Variants in AGPAT4 observed in about 807,000 individuals in gnomAD.
AGPAT4 encodes the protein 1-acyl-sn-glycerol-3-phosphate acyltransferase delta.
Under a neutral mutation model 48.0 loss-of-function variants are expected in AGPAT4, and 15 were observed. The ratio of observed to expected loss-of-function variants is 0.31; its 90% CI spans 0.21 to 0.48. AGPAT4 has a LOEUF of 0.48. Ranked by LOEUF, AGPAT4 falls within the 20% of genes least tolerant of loss-of-function variation. AGPAT4 has a pLI of 0.99. For missense variants in AGPAT4, 314 were observed against 482.5 expected (o/e 0.65, Z 3.27); for synonymous variants, 178 against 198.7 (o/e 0.90, Z 0.88).
rs548464035 is a variant in AGPAT4 at position 161,141,778 on chromosome 6, G to A, written c.844-2158C>T. Reference sequence around the variant, plus strand: ...CTTGTTTCCAGAAAGACATTTGCTAGGCCAAGATTGTTTTATTTGCACCTC... The same window carrying A: ...CTTGTTTCCAGAAAGACATTTGCTAAGCCAAGATTGTTTTATTTGCACCTC... On this transcript the variant is annotated intron_variant, in intron 7 of 8. Coordinates refer to ENST00000320285, the MANE Select transcript of AGPAT4 (RefSeq NM_020133.3). This position sits in a 1 kb window ranked among gnomAD's most constrained non-coding sequence, Gnocchi z 6.7. 3.3e-5 allele frequency among the ~76,000 whole-genome samples: 5 copies of A among 152,248 alleles called. No homozygotes were observed. Among genetic ancestry groups the A allele is most frequent in the African/African-American group, 1.2e-4 (5 of 41,540 alleles).
chr6:161,203,413 A>G (rs1781294514), intron 2 of AGPAT4, among the ~76,000 whole-genome samples: 1 of 114,962 alleles, frequency 8.7e-6, no homozygotes, highest in Non-Finnish European at 1.7e-5. Context: ...TTTGAGACAG[A>G]GTTTCACTCT....
chr6:161,162,910 C>T lies in AGPAT4; in HGVS notation c.348+3338G>A, dbSNP rs376758531. ...GAACCTGACCTGCGCTTGCACACCA[C>T]GGTTTGTTGGGCACCTTAGTGACCT... On this transcript the variant is annotated intron_variant, in intron 3 of 8. Transcript: ENST00000320285. Among the ~76,000 whole-genome samples, 4 of 152,330 alleles carry T rather than the reference C, an allele frequency of 2.6e-5. No individual in the cohort carries two copies. In the East Asian group the frequency reaches 7.7e-4, roughly 29 times the overall value.
chr6:161,172,378 C>T (rs1033655111), intron 2 of AGPAT4, among the ~76,000 whole-genome samples: 6 of 152,176 alleles, frequency 3.9e-5, no homozygotes, highest in African/African-American at 1.4e-4. Context: ...ACAGGGGGCA[C>T]CCCATCCAGG....
chr6:161,228,067 G>A (rs1226870513), intron 2 of AGPAT4, among the ~76,000 whole-genome samples: 2 of 152,024 alleles, frequency 1.3e-5, no homozygotes, highest in Non-Finnish European at 2.9e-5. Flanking sequence ...CGCCACCACC[G>A]GTCCCCCTGA....
In AGPAT4 at chr6:161,135,188, C is replaced by T. The variant is rs1284165448; in HGVS notation, c.*1352G>A. Reference sequence around the variant, plus strand: ...TTTTGTATAGAGCTGTTCATTCCTTCTCATGTTACCACAGCAACACAGGCA... The same window carrying T: ...TTTTGTATAGAGCTGTTCATTCCTTTTCATGTTACCACAGCAACACAGGCA... On this transcript the variant is annotated 3_prime_UTR_variant, in exon 9 of 9. Coordinates refer to ENST00000320285, the MANE Select transcript of AGPAT4 (RefSeq NM_020133.3). 1 of 152,220 alleles carries T rather than the reference C, an allele frequency of 6.6e-6. No homozygotes were observed. Among genetic ancestry groups the T allele is most frequent in the African/African-American group, 2.4e-5 (1 of 41,454 alleles). The allele number at this position is 152,220 out of a possible 1,614,324, so 9.4% of individuals were successfully genotyped here. A position where few individuals can be genotyped will look rare whatever the true frequency, so the allele number is the denominator to read the frequency against.
At position 161,161,380 on chromosome 6, in the gene AGPAT4, G is replaced by T. The variant is rs759872981; in HGVS notation, c.348+4868C>A. The T allele has an allele frequency of 2.2e-6, 1 of 456,642 alleles. No individual in the cohort carries two copies. The highest frequency in any genetic ancestry group is 4.4e-6 in the Non-Finnish European group (1 of 226,972). The allele number at this position is 456,642 out of a possible 1,614,324, so 28.3% of individuals were successfully genotyped here. A position where few individuals can be genotyped will look rare whatever the true frequency, so the allele number is the denominator to read the frequency against. On this transcript the variant is annotated intron_variant, in intron 3 of 8. Transcript: ENST00000320285. This position sits in a 1 kb window ranked among gnomAD's most constrained non-coding sequence, Gnocchi z 4.6. The stretch of plus-strand genomic sequence containing the variant: ...TGCTACCTCGGTCGTCACCATTATC[G>T]GGTTCCTCATCCATGTGATTCCAGA...
rs1002436216 is a variant in AGPAT4, at chr6:161,240,421, C to T, written c.-89-8119G>A. On this transcript the variant is annotated intron_variant, in intron 1 of 8. Transcript: ENST00000320285. The surrounding 1 kb of genome is among the most constrained non-coding windows in gnomAD (Gnocchi z 5.5). ...CCCAAGGCAAGCTTTTTCCTCTATG[C>T]CACTGCACTCTTCCTGAACAGTGAT... 2.0e-5 allele frequency among the ~76,000 whole-genome samples: 3 copies of T among 152,160 alleles called. No homozygotes were observed. Among genetic ancestry groups the T allele is most frequent in the African/African-American group, 7.2e-5 (3 of 41,442 alleles).
In AGPAT4 at chr6:161,130,910, G is replaced by C. The variant is rs773473859; in HGVS notation, c.*5630C>G. On this transcript the variant is annotated 3_prime_UTR_variant, in exon 9 of 9. Transcript: ENST00000320285. The stretch of plus-strand genomic sequence containing the variant: ...GAGAATGGCATTCCAAAATTCCATG[G>C]ATGACTTTTCTGAATGTCCTAGAAT... The C allele has an allele frequency of 3.9e-6, 2 of 518,894 alleles. No homozygotes were observed. Among genetic ancestry groups the C allele is most frequent in the African/African-American group, 3.8e-5 (2 of 51,966 alleles). 32.1% of individuals were successfully genotyped at this position (518,894 alleles called of 1,614,324 possible).
In AGPAT4 at chr6:161,219,870, GA is replaced by G. The variant is rs2115025783; in HGVS notation, c.178+12165del. 1.4e-4 allele frequency among the ~76,000 whole-genome samples: 16 copies of G among 117,922 alleles called. No homozygotes were observed. Among genetic ancestry groups the G allele is most frequent in the South Asian group, 2.6e-4 (1 of 3,780 alleles). 77.4% of individuals were successfully genotyped at this position (117,922 alleles called of 152,430 possible). A position where few individuals can be genotyped will look rare whatever the true frequency, so the allele number is the denominator to read the frequency against. ...AGATAGATAGATAGATAGATAGATAGATAGGCAGGCAGGCAGGCAGGCAGGC... is the reference window on the plus strand; with the variant it reads ...AGATAGATAGATAGATAGATAGATAGTAGGCAGGCAGGCAGGCAGGCAGGC... On this transcript the variant is annotated intron_variant, in intron 2 of 8. Transcript: ENST00000320285. The surrounding 1 kb of genome is among the most constrained non-coding windows in gnomAD (Gnocchi z 4.9).
At chr6:161,172,231 C>T (rs528807986) in intron 2 of AGPAT4, among the ~76,000 whole-genome samples, 62 of 152,276 alleles carry the variant, frequency 4.1e-4, no homozygotes, top group Non-Finnish European at 5.3e-4. Context: ...ACCCTCAGTG[C>T]GAGAAGTGCA....
rs1287257816 is a variant in AGPAT4, at chr6:161,235,408, G to T, written c.-89-3106C>A. ...TAATTTAACTGACTTTAGAATGAGG[G>T]CTGATGATTAAAAGAAACGTGGCTG... On this transcript the variant is annotated intron_variant, in intron 1 of 8. Coordinates refer to ENST00000320285, the MANE Select transcript of AGPAT4 (RefSeq NM_020133.3). This position sits in a 1 kb window ranked among gnomAD's most constrained non-coding sequence, Gnocchi z 6.2. Among the ~76,000 whole-genome samples the T allele has an allele frequency of 1.3e-5, 2 of 152,170 alleles. No individual in the cohort carries two copies. The highest frequency in any genetic ancestry group is 6.5e-5 in the Admixed American group (1 of 15,278).
At position 161,216,724 on chromosome 6, in the gene AGPAT4, A is replaced by C. The variant is rs892487083; in HGVS notation, c.178+15312T>G. 2.0e-5 allele frequency among the ~76,000 whole-genome samples: 3 copies of C among 152,232 alleles called. No homozygotes were observed. The highest frequency in any genetic ancestry group is 7.2e-5 in the African/African-American group (3 of 41,470). ...GGCGAAAGGCTCTTCTTAAGCAGCGACAGCAAGAGAAAATGAGAAAGAAGC... is the reference window on the plus strand; with the variant it reads ...GGCGAAAGGCTCTTCTTAAGCAGCGCCAGCAAGAGAAAATGAGAAAGAAGC... On this transcript the variant is annotated intron_variant, in intron 2 of 8. Coordinates refer to ENST00000320285, the MANE Select transcript of AGPAT4 (RefSeq NM_020133.3). The surrounding 1 kb of genome is among the most constrained non-coding windows in gnomAD (Gnocchi z 4.8).
Position 161,231,977 on chromosome 6 carries a change from A to T in AGPAT4, c.178+59T>A. 1 of 1,527,942 alleles carries T rather than the reference A, an allele frequency of 6.5e-7. No homozygotes were observed. Among genetic ancestry groups the T allele is most frequent in the South Asian group, 1.2e-5 (1 of 81,880 alleles). 94.6% of individuals were successfully genotyped at this position (1,527,942 alleles called of 1,614,324 possible). A position where few individuals can be genotyped will look rare whatever the true frequency, so the allele number is the denominator to read the frequency against. ...GCCTAGTGAATCCATATCAAGAGCCATAATTCTGATACACACATCCACAAT... is the reference window on the plus strand; with the variant it reads ...GCCTAGTGAATCCATATCAAGAGCCTTAATTCTGATACACACATCCACAAT... On this transcript the variant is annotated intron_variant, in intron 2 of 8. Coordinates refer to ENST00000320285, the MANE Select transcript of AGPAT4 (RefSeq NM_020133.3). The surrounding 1 kb of genome is among the most constrained non-coding windows in gnomAD (Gnocchi z 5.3).
chr6:161,240,255 CA>C lies in AGPAT4; in HGVS notation c.-89-7954del, dbSNP rs1747671827. 7.0e-6 allele frequency among the ~76,000 whole-genome samples: 1 copy of C among 143,218 alleles called. No individual in the cohort carries two copies. The highest frequency in any genetic ancestry group is 2.6e-5 in the African/African-American group (1 of 39,066). 94.0% of individuals were successfully genotyped at this position (143,218 alleles called of 152,430 possible). On this transcript the variant is annotated intron_variant, in intron 1 of 8. Coordinates refer to ENST00000320285, the MANE Select transcript of AGPAT4 (RefSeq NM_020133.3). This position sits in a 1 kb window ranked among gnomAD's most constrained non-coding sequence, Gnocchi z 5.5. The stretch of plus-strand genomic sequence containing the variant: ...ACACACACACACACACACACACACA[CA>C]CACACACACACTTAAACAAGTCTGT...
chr6:161,155,314 G>T lies in AGPAT4; in HGVS notation c.349-1004C>A, dbSNP rs1320862941. Among the ~76,000 whole-genome samples, 1 of 152,198 alleles carries T rather than the reference G, an allele frequency of 6.6e-6. No homozygotes were observed. The highest frequency in any genetic ancestry group is 1.5e-5 in the Non-Finnish European group (1 of 68,034). On this transcript the variant is annotated intron_variant, in intron 3 of 8. Transcript: ENST00000320285. The surrounding 1 kb of genome is among the most constrained non-coding windows in gnomAD (Gnocchi z 5.8). ...ATCTTTTCACCTTAATTTTGGAACT[G>T]GCCAAGATGCTCCTTGATCAGTGGG... is the stretch of plus-strand genomic sequence containing the variant.
Position 161,171,507 on chromosome 6 carries a change from A to G in AGPAT4, c.179-5090T>C, listed in dbSNP as rs994921612. Among the ~76,000 whole-genome samples, 1 of 152,018 alleles carries G rather than the reference A, an allele frequency of 6.6e-6. No homozygotes were observed. Among genetic ancestry groups the G allele is most frequent in the Admixed American group, 6.6e-5 (1 of 15,258 alleles). ...CCACTTAGCAGGAACCCACTGACCC[A>G]CTCCTGAAATAATGGCATTAACAAG... is the stretch of plus-strand genomic sequence containing the variant. On this transcript the variant is annotated intron_variant, in intron 2 of 8. Transcript: ENST00000320285. This position sits in a 1 kb window ranked among gnomAD's most constrained non-coding sequence, Gnocchi z 4.4.
In AGPAT4 at chr6:161,171,446, CAAGT is replaced by C. The variant is rs930704430; in HGVS notation, c.179-5033_179-5030del. ...GCAGAAGGGCAAGCAAGCATGTACT[CAAGT>C]GAGAGAAATAAGGGAAAGCGGCTGA... On this transcript the variant is annotated intron_variant, in intron 2 of 8. Coordinates refer to ENST00000320285, the MANE Select transcript of AGPAT4 (RefSeq NM_020133.3). This position sits in a 1 kb window ranked among gnomAD's most constrained non-coding sequence, Gnocchi z 4.4. Among the ~76,000 whole-genome samples, 17 of 152,190 alleles carry C rather than the reference CAAGT, an allele frequency of 1.1e-4. No individual in the cohort carries two copies. The highest frequency in any genetic ancestry group is 3.9e-4 in the African/African-American group (16 of 41,444).
At position 161,180,567 on chromosome 6, in the gene AGPAT4, C is replaced by T. The variant is rs1334227261; in HGVS notation, c.179-14150G>A. Among the ~76,000 whole-genome samples, 2 of 152,186 alleles carry T rather than the reference C, an allele frequency of 1.3e-5. No homozygotes were observed. The highest frequency in any genetic ancestry group is 3.8e-4 in the East Asian group (2 of 5,202). ...AATATAACAAATATGTATAATTATACATTTATAATAACCTTTTATCATTTA... is the reference window on the plus strand; with the variant it reads ...AATATAACAAATATGTATAATTATATATTTATAATAACCTTTTATCATTTA... On this transcript the variant is annotated intron_variant, in intron 2 of 8. Transcript: ENST00000320285. This position sits in a 1 kb window ranked among gnomAD's most constrained non-coding sequence, Gnocchi z 6.4.
Position 161,132,289 on chromosome 6 carries a change from CCA to C in AGPAT4, c.*4249_*4250del, listed in dbSNP as rs1156265472. ...TTCTGAGATGAAACCAATTTCTTGT[CCA>C]CACAGCCACCATATCCTTATATAGA... On this transcript the variant is annotated 3_prime_UTR_variant, in exon 9 of 9. Coordinates refer to ENST00000320285, the MANE Select transcript of AGPAT4 (RefSeq NM_020133.3). The C allele has an allele frequency of 1.3e-5, 2 of 152,198 alleles. No homozygotes were observed. Among genetic ancestry groups the C allele is most frequent in the Non-Finnish European group, 2.9e-5 (2 of 68,040 alleles). The allele number at this position is 152,198 out of a possible 1,614,324, so 9.4% of individuals were successfully genotyped here. A position where few individuals can be genotyped will look rare whatever the true frequency, so the allele number is the denominator to read the frequency against.
Sources: allele counts gnomAD v4.1 joint callset (sites outside exome capture counted in the v4.1 genomes callset), GRCh38; gene constraint gnomAD v4.1.1; non-coding constraint Gnocchi (gnomAD v3.1); transcripts MANE v1.5; gene names NCBI Gene and HGNC (gene_info 2026-07-23, HGNC 2026-07-21).